Variants in SGCD observed in about 807,000 individuals in gnomAD.
SGCD encodes the protein delta-sarcoglycan.
Under a neutral mutation model 36.6 loss-of-function variants are expected in SGCD, and 18 were observed. The observed-to-expected ratio is 0.49, with a 90% CI of 0.34 to 0.73. The LOEUF (loss-of-function observed/expected upper bound fraction) is 0.73. SGCD is among the 30% of genes least tolerant of loss of function. The pLI, the probability that SGCD is intolerant of heterozygous loss-of-function variation, is 0.01. For missense variants in SGCD, 387 were observed against 346.7 expected, an observed-to-expected ratio of 1.12 and a Z score of -0.92; for synonymous variants, 133 against 130.6, an observed-to-expected ratio of 1.02 and a Z score of -0.12.
the SGCD span, among the ~76,000 whole-genome samples, chr5:155,806,554 T>C: frequency 6.6e-6 from 1 of 152,242 alleles, no homozygotes; most frequent in Non-Finnish European, 1.5e-5. Context: ...TCCTACTTCA[T>C]ATTTAATGCT....
At chr5:155,732,466 T>A in the SGCD span, among the ~76,000 whole-genome samples, 126,732 of 152,086 alleles carry the variant, frequency 0.83, 52,921 homozygotes, top group East Asian at 0.99. Context: ...TTTCCCAAGC[T>A]TTCTCCCTCC....
chr5:155,853,269 T>G, the SGCD span, among the ~76,000 whole-genome samples: 1 of 152,092 alleles, frequency 6.6e-6, no homozygotes, highest in Non-Finnish European at 1.5e-5. Flanking sequence ...ATTTAGCTTC[T>G]TACAGAGGAA....
At chr5:156,696,408 C>G (rs539380739) in intron 7 of SGCD, among the ~76,000 whole-genome samples, 1 of 152,348 alleles carries the variant, frequency 6.6e-6, no homozygotes, top group South Asian at 2.1e-4. Flanking sequence ...ACTGTTCTTA[C>G]ATAAATATGT....
intron 3 of SGCD, among the ~76,000 whole-genome samples, chr5:156,386,699 C>T (rs1002480716): frequency 1.3e-5 from 2 of 152,208 alleles, no homozygotes; most frequent in African/African-American, 4.8e-5. Flanking sequence ...ATGGTGATCC[C>T]CTTGGGGCTC....
rs1350432274 is a variant in SGCD, at chr5:156,054,779, T to C, written c.-281-63099T>C. Among the ~76,000 whole-genome samples the C allele has an allele frequency of 2.0e-5, 3 of 146,742 alleles. No individual in the cohort carries two copies. In the East Asian group the frequency reaches 5.8e-4, roughly 28 times the overall value. On this transcript the variant is annotated intron_variant, in intron 1 of 9. Transcript: ENST00000517913. ...TTTTGTTTGTCAGGCTAATATTAAC[T>C]CTTGAATTATTCTGATTTATTGAGT...
intron 7 of SGCD, among the ~76,000 whole-genome samples, chr5:156,747,477 CA>C (rs1253197816): frequency 6.6e-6 from 1 of 152,078 alleles, no homozygotes; most frequent in Non-Finnish European, 1.5e-5. Context: ...GGTCCATTTC[CA>C]AAAACACTCT....
At chr5:156,268,089 T>A (rs1037999756) in intron 3 of SGCD, among the ~76,000 whole-genome samples, 1 of 152,198 alleles carries the variant, frequency 6.6e-6, no homozygotes, top group Non-Finnish European at 1.5e-5. Flanking sequence ...CATGCAGTAT[T>A]TTGTTTTCTG....
chr5:156,422,579 G>C (rs1773364249), intron 3 of SGCD, among the ~76,000 whole-genome samples: 1 of 151,964 alleles, frequency 6.6e-6, no homozygotes, highest in African/African-American at 2.4e-5. Context: ...AACCTACTAT[G>C]TTCTAGAATC....
intron 1 of SGCD, among the ~76,000 whole-genome samples, chr5:155,992,405 A>G (rs1283450076): frequency 6.6e-6 from 1 of 152,168 alleles, no homozygotes; most frequent in Non-Finnish European, 1.5e-5. Flanking sequence ...CTTTTTAATA[A>G]GGAAAAATTT....
intron 1 of SGCD, among the ~76,000 whole-genome samples, chr5:155,930,701 T>C (rs1420922317): frequency 1.3e-5 from 2 of 152,190 alleles, no homozygotes; most frequent in Non-Finnish European, 2.9e-5. Flanking sequence ...AAATTAACAC[T>C]CTTCTCAAAT....
At chr5:156,638,490 G>A (rs1165978855) in intron 6 of SGCD, among the ~76,000 whole-genome samples, 1 of 152,118 alleles carries the variant, frequency 6.6e-6, no homozygotes, top group East Asian at 1.9e-4. Flanking sequence ...GCTCTCTCAT[G>A]ATGATGTCAA....
chr5:156,094,630 A>T (rs1266641977), intron 1 of SGCD, among the ~76,000 whole-genome samples: 6 of 152,136 alleles, frequency 3.9e-5, no homozygotes, highest in Admixed American at 3.9e-4. Flanking sequence ...TCTTTCTCTT[A>T]GTCTTGGGCT....
At chr5:156,537,860 G>A (rs1194524191) in intron 4 of SGCD, among the ~76,000 whole-genome samples, 1 of 151,548 alleles carries the variant, frequency 6.6e-6, no homozygotes, top group Non-Finnish European at 1.5e-5. Flanking sequence ...AAAAAAAGAT[G>A]CTAGTGGCTA....
chr5:156,205,793 G>C (rs1764260779), intron 3 of SGCD, among the ~76,000 whole-genome samples: 1 of 151,788 alleles, frequency 6.6e-6, no homozygotes, highest in Non-Finnish European at 1.5e-5. Flanking sequence ...AGGATAAATT[G>C]TACTTGGGGA....
At chr5:156,643,511 G>A (rs578138042) in intron 6 of SGCD, among the ~76,000 whole-genome samples, 18 of 152,060 alleles carry the variant, frequency 1.2e-4, no homozygotes, top group East Asian at 7.8e-4. Context: ...GAGTTTATCT[G>A]ATCAGTTATA....
chr5:155,804,607 A>G, the SGCD span, among the ~76,000 whole-genome samples: 1 of 152,188 alleles, frequency 6.6e-6, no homozygotes, highest in African/African-American at 2.4e-5. Context: ...CATGGCCTCA[A>G]AATGTTAACT....
intron 3 of SGCD, among the ~76,000 whole-genome samples, chr5:156,259,412 C>A (rs1765795219): frequency 6.6e-6 from 1 of 151,852 alleles, no homozygotes; most frequent in African/African-American, 2.4e-5. Flanking sequence ...TATAGTTTGT[C>A]TACTCATTTT....
At chr5:156,449,155 C>T (rs1753879553) in intron 3 of SGCD, among the ~76,000 whole-genome samples, 1 of 152,054 alleles carries the variant, frequency 6.6e-6, no homozygotes, top group Non-Finnish European at 1.5e-5. Flanking sequence ...CTGAAGTCTT[C>T]AGCTCCTAAC....
chr5:156,678,364 G>A (rs1348511727), intron 7 of SGCD, among the ~76,000 whole-genome samples: 1 of 152,168 alleles, frequency 6.6e-6, no homozygotes, highest in African/African-American at 2.4e-5. Flanking sequence ...AGCAGTTATT[G>A]GAGGTAAAGT....
Sources: allele counts gnomAD v4.1 joint callset (sites outside exome capture counted in the v4.1 genomes callset), GRCh38; gene constraint gnomAD v4.1.1; transcripts MANE v1.5; gene names NCBI Gene and HGNC (gene_info 2026-07-23, HGNC 2026-07-21).